The following DCUN1D2 variants were observed in gnomAD, a reference collection of about 807,000 sequenced individuals.
The protein encoded by DCUN1D2 is DCN1-like protein 2.
Under a neutral mutation model 30.9 loss-of-function variants are expected in DCUN1D2, and 29 were observed. The ratio of observed to expected loss-of-function variants is 0.94; its 90% CI spans 0.70 to 1.28. DCUN1D2 has a LOEUF of 1.28. Ranked by LOEUF, DCUN1D2 falls within the 50% of genes most tolerant of loss-of-function variation. The pLI, the probability that DCUN1D2 is intolerant of heterozygous loss-of-function variation, is 0.00. For missense variants in DCUN1D2, 325 were observed against 316.9 expected (o/e 1.03, Z -0.19); for synonymous variants, 121 against 115.3 (o/e 1.05, Z -0.32).
intron 4 of DCUN1D2, 112 bp downstream of exon 4, chr13:113,474,012 C>T (rs112887594): frequency 3.7e-5 from 53 of 1,413,422 alleles, no homozygotes; most frequent in Admixed American, 2.0e-4. Flanking sequence ...CTCCAAAAAA[C>T]CAAACCAAAA....
chr13:113,480,470 A>C, intron 3 of DCUN1D2, 105 bp downstream of exon 3: 1 of 1,273,200 alleles, frequency 7.9e-7, no homozygotes, highest in Non-Finnish European at 1.1e-6. Flanking sequence ...AAAGATACAC[A>C]AAGAAAATAA....
chr13:113,481,360 AAT>A (rs893054922), intron 2 of DCUN1D2, among the ~76,000 whole-genome samples: 3 of 152,240 alleles, frequency 2.0e-5, no homozygotes, highest in African/African-American at 7.2e-5. Flanking sequence ...CAAACAGTAA[AAT>A]ATATTTAAGG....
Position 113,473,232 on chromosome 13 carries a change from G to A in DCUN1D2, c.520+892C>T, listed in dbSNP as rs571069758. On this transcript the variant is annotated intron_variant, in intron 4 of 6. Coordinates refer to ENST00000478244, the MANE Select transcript of DCUN1D2 (RefSeq NM_001014283.2). ...CCTGCATTCCTTGTCCTTCTGCCCC[G>A]TGCCTCTGCCTCTGTGCCTGTTCCT... is the stretch of plus-strand genomic sequence containing the variant. Among the ~76,000 whole-genome samples the A allele has an allele frequency of 1.1e-4, 17 of 151,688 alleles. 1 individual carries two copies. In the East Asian group the frequency reaches 2.3e-3, roughly 21 times the overall value.
intron 1 of DCUN1D2, chr13:113,489,028 A>C (rs1385151578): frequency 1.4e-6 from 1 of 714,134 alleles, no homozygotes; most frequent in Non-Finnish European, 1.7e-6. Flanking sequence ...ATCTGGCACC[A>C]AGGATACCCA....
chr13:113,491,520 C>A (rs931075467), upstream of DCUN1D2, among the ~76,000 whole-genome samples: 12 of 151,632 alleles, frequency 7.9e-5, no homozygotes, highest in Non-Finnish European at 2.9e-5. Flanking sequence ...GGCTCCCCTC[C>A]TCTCTCTCCC....
Position 113,490,338 on chromosome 13 carries a change from G to T in DCUN1D2, c.3+329C>A. 4.0e-6 allele frequency: 1 copy of T among 251,824 alleles called. No individual in the cohort carries two copies. The highest frequency in any genetic ancestry group is 7.5e-6 in the Non-Finnish European group (1 of 132,844). 15.6% of individuals were successfully genotyped at this position (251,824 alleles called of 1,614,324 possible). The stretch of plus-strand genomic sequence containing the variant: ...GCCCGCCTCGACTGCCCGTTTCGAA[G>T]CCGCCCTGGGAAGCCCCCGGCCTGG... On this transcript the variant is annotated intron_variant, in intron 1 of 6. Coordinates refer to ENST00000478244, the MANE Select transcript of DCUN1D2 (RefSeq NM_001014283.2). This position sits in a 1 kb window ranked among gnomAD's most constrained non-coding sequence, Gnocchi z 5.2.
chr13:113,461,349 A>C (rs1324697188), intron 4 of DCUN1D2, among the ~76,000 whole-genome samples: 2 of 152,244 alleles, frequency 1.3e-5, no homozygotes, highest in Non-Finnish European at 2.9e-5. Flanking sequence ...AAGGATTTGT[A>C]TATTAAGTTA....
Position 113,488,231 on chromosome 13 carries a change from T to C in DCUN1D2, c.3+2436A>G, listed in dbSNP as rs1045301813. Among the ~76,000 whole-genome samples, 1 of 152,222 alleles carries C rather than the reference T, an allele frequency of 6.6e-6. No individual in the cohort carries two copies. The highest frequency in any genetic ancestry group is 1.5e-5 in the Non-Finnish European group (1 of 68,034). On this transcript the variant is annotated intron_variant, in intron 1 of 6. Coordinates refer to ENST00000478244, the MANE Select transcript of DCUN1D2 (RefSeq NM_001014283.2). The surrounding 1 kb of genome is among the most constrained non-coding windows in gnomAD (Gnocchi z 4.3). ...CCTGCAATCTACTCAAATTGTCTGA[T>C]GTCACAAGATACTCCAGTAAACCCT...
At chr13:113,462,252 CAA>C (rs530609852) in intron 4 of DCUN1D2, among the ~76,000 whole-genome samples, 2 of 80,964 alleles carry the variant, frequency 2.5e-5, no homozygotes, top group African/African-American at 4.9e-5. Context: ...AACTCCGTCT[CAA>C]AAAAAAAAAA....
At chr13:113,481,865 CA>C (rs60598722) in intron 2 of DCUN1D2, among the ~76,000 whole-genome samples, 1,478 of 111,896 alleles carry the variant, frequency 0.013, 13 homozygotes, top group African/African-American at 0.032. Context: ...GCCTGGGTGA[CA>C]AAAAAAAAAA....
intron 6 of DCUN1D2, among the ~76,000 whole-genome samples, chr13:113,458,606 G>A (rs1308931255): frequency 6.6e-6 from 1 of 152,230 alleles, no homozygotes; most frequent in East Asian, 1.9e-4. Flanking sequence ...GAGATTCAGT[G>A]ATCCCTTCTT....
chr13:113,469,838 C>T (rs940399294), intron 4 of DCUN1D2, among the ~76,000 whole-genome samples: 2 of 151,740 alleles, frequency 1.3e-5, no homozygotes, highest in African/African-American at 2.4e-5. Flanking sequence ...GACCCTGTCT[C>T]GAAATAAATC....
chr13:113,487,335 G>T (rs555960536), intron 1 of DCUN1D2, among the ~76,000 whole-genome samples: 1 of 152,264 alleles, frequency 6.6e-6, no homozygotes, highest in South Asian at 2.1e-4. Context: ...ATCTGCCATG[G>T]TTATACAACA....
intron 4 of DCUN1D2, among the ~76,000 whole-genome samples, chr13:113,472,892 G>C (rs975090710): frequency 6.6e-6 from 1 of 152,158 alleles, no homozygotes; most frequent in Non-Finnish European, 1.5e-5. Context: ...GTGTGGGGCC[G>C]AGACGCGTCT....
chr13:113,458,415 C>T (rs1352125439), intron 6 of DCUN1D2, among the ~76,000 whole-genome samples: 1 of 152,176 alleles, frequency 6.6e-6, no homozygotes. Flanking sequence ...TAAATGGACC[C>T]CCGCGGAGCA....
rs772809937 is a variant in DCUN1D2, at chr13:113,480,663, T to C, written c.301A>G (p.Ser101Gly). Reference sequence around the variant, plus strand: ...AACTTCCACGCTATGACCAATACACTGATACTGGCAGGATCCAGGCTCAGA... The same window carrying C: ...AACTTCCACGCTATGACCAATACACCGATACTGGCAGGATCCAGGCTCAGA... The part of the protein sequence containing the change: ...DDLSLDPASI[S>G]VLVIAWKFRA... The change falls in exon 3 of 7, where the codon AGT becomes GGT. Residue 101 changes from serine to glycine, a missense_variant. Coordinates refer to ENST00000478244, the MANE Select transcript of DCUN1D2 (RefSeq NM_001014283.2). The C allele has an allele frequency of 1.2e-6, 2 of 1,614,016 alleles. No individual in the cohort carries two copies. Among genetic ancestry groups the C allele is most frequent in the Non-Finnish European group, 1.7e-6 (2 of 1,180,016 alleles).
chr13:113,479,677 C>T (rs777386850), intron 3 of DCUN1D2, among the ~76,000 whole-genome samples: 18 of 152,120 alleles, frequency 1.2e-4, no homozygotes, highest in East Asian at 5.8e-4. Flanking sequence ...GAGCCAAGAT[C>T]GTGCCACTGC....
At chr13:113,465,606 C>A (rs757667449) in intron 4 of DCUN1D2, among the ~76,000 whole-genome samples, 5 of 151,604 alleles carry the variant, frequency 3.3e-5, no homozygotes, top group Non-Finnish European at 5.9e-5. Flanking sequence ...GTGACAGAGC[C>A]CAAGAACACC....
intron 5 of DCUN1D2, 65 bp downstream of exon 5, chr13:113,460,989 G>A: frequency 1.0e-6 from 1 of 992,652 alleles, no homozygotes; most frequent in Non-Finnish European, 1.5e-6. Context: ...ATGATTACAT[G>A]CAGCCTCATA....
Sources: gnomAD v4.1 joint callset for allele counts (sites outside exome capture counted in the v4.1 genomes callset) on GRCh38, gnomAD v4.1.1 for gene constraint, Gnocchi (gnomAD v3.1) non-coding constraint, MANE v1.5 for transcripts, NCBI Gene and HGNC (gene_info 2026-07-23, HGNC 2026-07-21) for gene names.